ANKS1B: variants seen among roughly 807,000 people sequenced by gnomAD.
ANKS1B encodes the protein ankyrin repeat and sterile alpha motif domain-containing protein 1B.
ANKS1B carries 36 observed loss-of-function variants against 148.3 expected under a neutral mutation model. The ratio of observed to expected loss-of-function variants is 0.24; its 90% CI spans 0.19 to 0.32. The LOEUF (loss-of-function observed/expected upper bound fraction) is 0.32. Among genes scored for constraint, ANKS1B ranks in the 10% least tolerant of loss-of-function variants. ANKS1B has a pLI of 1.00. For synonymous variants in ANKS1B, 542 were observed against 560.8 expected, an observed-to-expected ratio of 0.97 and a Z score of 0.47; for missense variants, 1,157 against 1,542.6, an observed-to-expected ratio of 0.75 and a Z score of 4.19.
At chr12:99,305,781 C>T (rs2082258342) in intron 12 of ANKS1B, among the ~76,000 whole-genome samples, 1 of 152,082 alleles carries the variant, frequency 6.6e-6, no homozygotes, top group Non-Finnish European at 1.5e-5. Context: ...TTTAAAATCA[C>T]CTGGTTCTAT....
At chr12:99,004,212 G>C (rs1001611034) in intron 17 of ANKS1B, among the ~76,000 whole-genome samples, 2 of 152,260 alleles carry the variant, frequency 1.3e-5, no homozygotes, top group South Asian at 2.1e-4. Context: ...TTATATGAGA[G>C]AAATAAATGT....
At chr12:99,846,075 T>C (rs2086624480) in intron 1 of ANKS1B, among the ~76,000 whole-genome samples, 1 of 152,172 alleles carries the variant, frequency 6.6e-6, no homozygotes, top group African/African-American at 2.4e-5. Context: ...ACTTAACTAG[T>C]AGAGTTTTGC....
intron 10 of ANKS1B, among the ~76,000 whole-genome samples, chr12:99,450,575 T>A (rs2095715499): frequency 6.6e-6 from 1 of 152,182 alleles, no homozygotes; most frequent in Non-Finnish European, 1.5e-5. Flanking sequence ...CAGTGGATAA[T>A]TAAGTACTAA....
chr12:98,843,398 C>G lies in ANKS1B; in HGVS notation c.2779-11262G>C, dbSNP rs556825158. Among the ~76,000 whole-genome samples the G allele has an allele frequency of 4.6e-5, 7 of 152,362 alleles. No homozygotes were observed. In the East Asian group the frequency reaches 1.3e-3, roughly 29 times the overall value. Reference sequence around the variant, plus strand: ...TTGCCTCTTCACACGTCAGCTTCCCCTTTAACCTTTCACCATGTTGTGATA... The same window carrying G: ...TTGCCTCTTCACACGTCAGCTTCCCGTTTAACCTTTCACCATGTTGTGATA... On this transcript the variant is annotated intron_variant, in intron 17 of 26. Transcript: ENST00000683438.
At chr12:99,694,058 C>T (rs1007681241) in intron 8 of ANKS1B, among the ~76,000 whole-genome samples, 2 of 148,792 alleles carry the variant, frequency 1.3e-5, no homozygotes, top group African/African-American at 2.5e-5. Flanking sequence ...GGATTACAGG[C>T]GTGAGCCACC....
At chr12:99,685,412 A>T (rs1011725889) in intron 8 of ANKS1B, among the ~76,000 whole-genome samples, 2 of 152,208 alleles carry the variant, frequency 1.3e-5, no homozygotes, top group African/African-American at 4.8e-5. Flanking sequence ...AATGGCCATA[A>T]TTAAAAAATT....
intron 9 of ANKS1B, among the ~76,000 whole-genome samples, chr12:99,519,853 T>G (rs1004525300): frequency 1.3e-5 from 2 of 152,186 alleles, no homozygotes; most frequent in African/African-American, 2.4e-5. Context: ...GAGGTTACCA[T>G]GAGCCTTGCA....
At chr12:99,234,619 A>G (rs1345747735) in intron 14 of ANKS1B, among the ~76,000 whole-genome samples, 1 of 152,052 alleles carries the variant, frequency 6.6e-6, no homozygotes, top group Non-Finnish European at 1.5e-5. Context: ...CATATGTTAG[A>G]CTTTTATGTA....
chr12:99,679,578 G>A (rs1467637787), intron 8 of ANKS1B, among the ~76,000 whole-genome samples: 2 of 151,938 alleles, frequency 1.3e-5, no homozygotes, highest in African/African-American at 2.4e-5. Flanking sequence ...CCAAAGTGCT[G>A]GGATAACAGG....
intron 9 of ANKS1B, chr12:99,649,914 G>T (rs542495356): frequency 6.5e-6 from 1 of 154,830 alleles, no homozygotes; most frequent in East Asian, 1.9e-4. Context: ...AAGCCAGAGG[G>T]TCTCTACCTA....
At chr12:99,543,605 A>G (rs1232205018) in intron 9 of ANKS1B, among the ~76,000 whole-genome samples, 1 of 152,182 alleles carries the variant, frequency 6.6e-6, no homozygotes, top group African/African-American at 2.4e-5. Flanking sequence ...GGAGAAACAC[A>G]GAATTGAATA....
chr12:99,447,353 G>A (rs1271477842), intron 10 of ANKS1B, among the ~76,000 whole-genome samples: 1 of 152,004 alleles, frequency 6.6e-6, no homozygotes, highest in East Asian at 1.9e-4. Context: ...GTACATGTCT[G>A]TACTTCCAGC....
intron 1 of ANKS1B, among the ~76,000 whole-genome samples, chr12:99,892,509 C>G (rs1347363088): frequency 6.6e-6 from 1 of 152,064 alleles, no homozygotes; most frequent in African/African-American, 2.4e-5. Flanking sequence ...CTTGAGAAAC[C>G]TGAATCCCCA....
intron 15 of ANKS1B, chr12:99,093,591 T>G (rs1241182476): frequency 6.6e-6 from 1 of 152,240 alleles, no homozygotes; most frequent in Non-Finnish European, 1.5e-5. Flanking sequence ...TGTCCCACAC[T>G]GCATGTATTC....
intron 8 of ANKS1B, chr12:99,772,627 T>C (rs1305270832): frequency 9.6e-6 from 2 of 208,158 alleles, no homozygotes; most frequent in Non-Finnish European, 1.9e-5. Flanking sequence ...AACATCATTA[T>C]GCCCAGTAAA....
At chr12:99,819,489 T>C (rs2082257952) in intron 2 of ANKS1B, among the ~76,000 whole-genome samples, 1 of 151,746 alleles carries the variant, frequency 6.6e-6, no homozygotes, top group African/African-American at 2.4e-5. Context: ...TCCAATTTGA[T>C]ACGCAATCTG....
chr12:99,259,943 G>T (rs938736907), intron 12 of ANKS1B, among the ~76,000 whole-genome samples: 2 of 152,124 alleles, frequency 1.3e-5, no homozygotes, highest in Non-Finnish European at 2.9e-5. Context: ...AATAAATGGC[G>T]TCTAGTGAAT....
intron 9 of ANKS1B, among the ~76,000 whole-genome samples, chr12:99,627,974 AT>A (rs1349096147): frequency 1.3e-5 from 2 of 152,168 alleles, no homozygotes; most frequent in African/African-American, 2.4e-5. Flanking sequence ...GTCATGTATC[AT>A]TTAAGGATGA....
At chr12:99,702,442 T>A (rs2054987561) in intron 8 of ANKS1B, among the ~76,000 whole-genome samples, 1 of 152,280 alleles carries the variant, frequency 6.6e-6, no homozygotes, top group East Asian at 1.9e-4. Flanking sequence ...TAGTTATTAA[T>A]CCCTTGTTAT....
Sources: allele counts gnomAD v4.1 joint callset (sites outside exome capture counted in the v4.1 genomes callset), GRCh38; gene constraint gnomAD v4.1.1; transcripts MANE v1.5; gene names NCBI Gene and HGNC (gene_info 2026-07-23, HGNC 2026-07-21).